Variants in ARMC8 observed in about 807,000 individuals in gnomAD.
ARMC8 encodes armadillo repeat containing 8, also known as armadillo repeat-containing protein 8.
Under a neutral mutation model 99.3 loss-of-function variants are expected in ARMC8, and 20 were observed. That is an observed-to-expected ratio of 0.20 (90% confidence interval 0.14 to 0.29). The LOEUF is 0.29. Among genes scored for constraint, ARMC8 ranks in the 10% least tolerant of loss-of-function variants. The pLI, the probability that ARMC8 is intolerant of heterozygous loss-of-function variation, is 1.00. For missense variants in ARMC8, 569 were observed against 809.5 expected (o/e 0.70, Z 3.60); for synonymous variants, 263 against 278.3 (o/e 0.95, Z 0.55).
At chr3:138,251,188 A>G (rs2047108615) in intron 12 of ARMC8, among the ~76,000 whole-genome samples, 1 of 152,006 alleles carries the variant, frequency 6.6e-6, no homozygotes, top group African/African-American at 2.4e-5. Context: ...AAGATTGCTG[A>G]GCATGCATTC....
At chr3:138,266,312 C>T (rs1017942530) in intron 14 of ARMC8, among the ~76,000 whole-genome samples, 1 of 152,100 alleles carries the variant, frequency 6.6e-6, no homozygotes, top group African/African-American at 2.4e-5. Flanking sequence ...AGTATCAGTG[C>T]CTTTCTATGC....
intron 16 of ARMC8, among the ~76,000 whole-genome samples, chr3:138,271,678 T>G (rs1433885430): frequency 5.3e-5 from 8 of 152,250 alleles, no homozygotes; most frequent in Non-Finnish European, 1.5e-5. Context: ...TGCTCTGCCA[T>G]GCTGCCTCAC....
At chr3:138,203,961 T>C (rs192858575) in intron 1 of ARMC8, among the ~76,000 whole-genome samples, 8 of 152,330 alleles carry the variant, frequency 5.3e-5, no homozygotes. Flanking sequence ...GTAAGCCCCT[T>C]ATTGCTCTCT....
chr3:138,207,471 A>G (rs1015021871), intron 1 of ARMC8, among the ~76,000 whole-genome samples: 2 of 152,180 alleles, frequency 1.3e-5, no homozygotes, highest in Non-Finnish European at 2.9e-5. Context: ...GGGGAAACTT[A>G]TGTTAAGATA....
intron 1 of ARMC8, among the ~76,000 whole-genome samples, chr3:138,191,715 ATGT>A (rs1223261940): frequency 5.9e-5 from 9 of 152,244 alleles, no homozygotes; most frequent in Admixed American, 1.3e-4. Context: ...CATCTCTATA[ATGT>A]TGTCATTTTC....
intron 15 of ARMC8, among the ~76,000 whole-genome samples, chr3:138,268,057 A>G (rs1394680929): frequency 1.3e-5 from 2 of 152,142 alleles, no homozygotes; most frequent in Non-Finnish European, 2.9e-5. Flanking sequence ...AGCCTGGCCA[A>G]CATGGTGAAA....
chr3:138,252,035 T>C (rs953807137), intron 12 of ARMC8, among the ~76,000 whole-genome samples: 1 of 152,240 alleles, frequency 6.6e-6, no homozygotes, highest in Non-Finnish European at 1.5e-5. Flanking sequence ...ATAGTAGAAC[T>C]TGAAAAGATT....
intron 1 of ARMC8, among the ~76,000 whole-genome samples, chr3:138,198,341 A>C (rs115665875): frequency 0.012 from 1,884 of 152,140 alleles, 37 homozygotes; most frequent in African/African-American, 0.042. Context: ...ACCTGCAGAT[A>C]ATCTTTAGTT....
chr3:138,232,662 G>A (rs1031856844), intron 6 of ARMC8, among the ~76,000 whole-genome samples: 1 of 152,190 alleles, frequency 6.6e-6, no homozygotes, highest in African/African-American at 2.4e-5. Flanking sequence ...AACTCTTTTT[G>A]TGCTGATATG....
At chr3:138,211,394 G>A (rs867304475) in intron 2 of ARMC8, among the ~76,000 whole-genome samples, 3 of 152,330 alleles carry the variant, frequency 2.0e-5, no homozygotes, top group South Asian at 2.1e-4. Context: ...GACTGGTAGA[G>A]TTCTATCTGA....
chr3:138,246,604 C>T, intron 12 of ARMC8: 3 of 985,652 alleles, frequency 3.0e-6, no homozygotes, highest in Non-Finnish European at 3.6e-6. Flanking sequence ...ATTCTTAAAG[C>T]TCTAAAAAAC....
At chr3:138,222,094 T>A in intron 3 of ARMC8, 97 bp downstream of exon 3, 3 of 852,506 alleles carry the variant, frequency 3.5e-6, no homozygotes, top group Non-Finnish European at 5.5e-6. Flanking sequence ...GTATTGTCTG[T>A]CTAATTCTTA....
intron 12 of ARMC8, chr3:138,245,527 G>T: frequency 8.6e-7 from 1 of 1,159,872 alleles, no homozygotes; most frequent in East Asian, 4.4e-5. Context: ...CCTAACATTA[G>T]AATTGTAAAT....
intron 1 of ARMC8, 198 bp downstream of exon 1, chr3:138,187,797 C>T (rs1015435229): frequency 3.4e-6 from 2 of 588,232 alleles, no homozygotes; most frequent in Non-Finnish European, 5.8e-6. Context: ...AAAGACGTTT[C>T]CAACTCCGGG....
chr3:138,223,253 TAAAC>T (rs2045503671), intron 3 of ARMC8, 132 bp from the exon 4 acceptor site: 2 of 729,146 alleles, frequency 2.7e-6, no homozygotes, highest in Admixed American at 3.1e-5. Flanking sequence ...GCAGATGAGA[TAAAC>T]AAATGACCAT....
chr3:138,253,396 C>A (rs2047232905), intron 12 of ARMC8, among the ~76,000 whole-genome samples: 1 of 152,170 alleles, frequency 6.6e-6, no homozygotes, highest in Admixed American at 6.5e-5. Context: ...GGCCCCCCAG[C>A]TAGTAAGTAG....
intron 12 of ARMC8, among the ~76,000 whole-genome samples, chr3:138,252,490 G>A (rs2047167472): frequency 7.2e-6 from 1 of 139,376 alleles, no homozygotes; most frequent in African/African-American, 2.8e-5. Flanking sequence ...GTCTCGCACT[G>A]TCGCCCAGGC....
chr3:138,250,915 G>A (rs554510131), intron 12 of ARMC8, among the ~76,000 whole-genome samples: 3 of 152,150 alleles, frequency 2.0e-5, no homozygotes, highest in Non-Finnish European at 4.4e-5. Flanking sequence ...GGGAGGCTTA[G>A]GTGGGAGGAT....
At chr3:138,217,598 C>T (rs1268269951) in intron 2 of ARMC8, among the ~76,000 whole-genome samples, 5 of 152,132 alleles carry the variant, frequency 3.3e-5, no homozygotes, top group African/African-American at 1.2e-4. Context: ...GAAAGTTTAA[C>T]CTCTGTGTAA....
Sources: allele counts gnomAD v4.1 joint callset (sites outside exome capture counted in the v4.1 genomes callset), GRCh38; gene constraint gnomAD v4.1.1; transcripts MANE v1.5; gene names NCBI Gene and HGNC (gene_info 2026-07-23, HGNC 2026-07-21).